IL1RAPL1: variants seen among roughly 807,000 people sequenced by gnomAD.
The protein encoded by IL1RAPL1 is interleukin-1 receptor accessory protein-like 1.
In IL1RAPL1, 3 loss-of-function variants were observed where a neutral mutation model predicts 48.4. The ratio of observed to expected loss-of-function variants is 0.06; its 90% CI spans 0.03 to 0.16. The LOEUF is 0.16. IL1RAPL1 is among the 10% of genes least tolerant of loss of function. The probability of loss-of-function intolerance (pLI) is 1.00; values close to 1 mark genes in which losing one functional copy is unlikely to be tolerated. For synonymous variants in IL1RAPL1, 185 were observed against 187.7 expected, an observed-to-expected ratio of 0.99 and a Z score of 0.12; for missense variants, 349 against 530.6, an observed-to-expected ratio of 0.66 and a Z score of 3.36.
At chrX:29,470,584 TA>T (rs1934909677) in intron 5 of IL1RAPL1, among the ~76,000 whole-genome samples, 1 of 111,365 alleles carries the variant, frequency 9.0e-6, no homozygotes, top group African/African-American at 3.3e-5. Flanking sequence ...TCACATACCA[TA>T]AATCTACCAT....
At chrX:29,391,292 C>G (rs746157428) in intron 3 of IL1RAPL1, among the ~76,000 whole-genome samples, 1 of 111,825 alleles carries the variant, frequency 8.9e-6, no homozygotes, top group Non-Finnish European at 1.9e-5. Context: ...GCTGTACTGA[C>G]TTCTGGAAAC....
intron 5 of IL1RAPL1, among the ~76,000 whole-genome samples, chrX:29,405,360 C>CTTTCTTTTT (rs1377087452): frequency 1.9e-4 from 19 of 99,457 alleles, no homozygotes; most frequent in African/African-American, 6.3e-4. Context: ...TCTCTGTGTT[C>CTTTCTTTTT]TTTATTTATT....
chrX:28,908,029 C>T (rs925334008), intron 2 of IL1RAPL1, among the ~76,000 whole-genome samples: 3 of 111,344 alleles, frequency 2.7e-5, no homozygotes, highest in African/African-American at 9.8e-5. Context: ...GTTATTTCTA[C>T]TGTTGCTTTA....
chrX:29,918,334 C>T (rs1343341225), intron 7 of IL1RAPL1, among the ~76,000 whole-genome samples: 16 of 95,090 alleles, frequency 1.7e-4, no homozygotes, highest in Non-Finnish European at 3.3e-4. Flanking sequence ...TGGTGAACCC[C>T]GTCTCTACTG....
chrX:29,390,387 C>A (rs1933838998), intron 3 of IL1RAPL1, among the ~76,000 whole-genome samples: 1 of 111,762 alleles, frequency 8.9e-6, no homozygotes, highest in African/African-American at 3.2e-5. Context: ...GAAAAATGAC[C>A]AGTGAATGTT....
At position 29,168,570 on chromosome X, in the gene IL1RAPL1, T is replaced by TAC. The variant is rs1555970945; in HGVS notation, c.83-114360_83-114359dup. 1.6e-4 allele frequency among the ~76,000 whole-genome samples: 15 copies of TAC among 95,895 alleles called. 2 individuals are homozygous for TAC. The highest frequency in any genetic ancestry group is 2.9e-4 in the Non-Finnish European group (14 of 48,000). The allele number at this position is 95,895 out of a possible 115,157, so 83.3% of individuals were successfully genotyped here. Reference sequence around the variant, plus strand: ...GTATTCAATTGTATATATATATATATACACACACAATTGTATATATATATT... The same window carrying TAC: ...GTATTCAATTGTATATATATATATATACACACACACAATTGTATATATATATT... On this transcript the variant is annotated intron_variant, in intron 2 of 10. Transcript: ENST00000378993.
chrX:29,919,479 ATTTG>A (rs1569203506), intron 7 of IL1RAPL1, among the ~76,000 whole-genome samples: 3 of 112,412 alleles, frequency 2.7e-5, no homozygotes, highest in African/African-American at 9.7e-5. Context: ...AAAACAGGCA[ATTTG>A]TTAGTATCAT....
intron 3 of IL1RAPL1, among the ~76,000 whole-genome samples, chrX:29,390,764 A>G (rs773512573): frequency 8.9e-6 from 1 of 112,320 alleles, no homozygotes; most frequent in South Asian, 3.7e-4. Context: ...GTGATATACA[A>G]AATTTCCCTT....
At chrX:29,093,471 T>C (rs1928134481) in intron 2 of IL1RAPL1, among the ~76,000 whole-genome samples, 1 of 111,488 alleles carries the variant, frequency 9.0e-6, no homozygotes, top group Admixed American at 9.6e-5. Context: ...GAGATTATAA[T>C]TCGACATGAG....
At chrX:29,413,271 C>T (rs1934168595) in intron 5 of IL1RAPL1, among the ~76,000 whole-genome samples, 1 of 111,988 alleles carries the variant, frequency 8.9e-6, no homozygotes, top group Admixed American at 9.5e-5. Flanking sequence ...TATAAATTAC[C>T]CAGTCTCAGG....
chrX:29,334,696 G>A (rs1932954133), intron 3 of IL1RAPL1, among the ~76,000 whole-genome samples: 1 of 112,133 alleles, frequency 8.9e-6, no homozygotes, highest in African/African-American at 3.2e-5. Context: ...GGGCAGAGGT[G>A]CTCCCCACAT....
intron 6 of IL1RAPL1, among the ~76,000 whole-genome samples, chrX:29,824,162 A>T (rs182980414): frequency 1.2e-4 from 13 of 112,049 alleles, no homozygotes; most frequent in Non-Finnish European, 2.3e-4. Context: ...TCCACTAGGC[A>T]ATTCTAATGC....
At chrX:28,602,996 C>T (rs981944715) in intron 1 of IL1RAPL1, among the ~76,000 whole-genome samples, 1 of 111,312 alleles carries the variant, frequency 9.0e-6, no homozygotes, top group Non-Finnish European at 1.9e-5. Flanking sequence ...AATTACAGTA[C>T]CAGAAATGTG....
At chrX:28,872,631 C>T (rs973048393) in intron 2 of IL1RAPL1, among the ~76,000 whole-genome samples, 7 of 111,949 alleles carry the variant, frequency 6.3e-5, no homozygotes, top group African/African-American at 2.3e-4. Flanking sequence ...GGATTATCTA[C>T]TGCTTTAATT....
At chrX:29,656,175 A>G (rs1925673719) in intron 5 of IL1RAPL1, among the ~76,000 whole-genome samples, 2 of 113,159 alleles carry the variant, frequency 1.8e-5, no homozygotes, top group African/African-American at 6.4e-5. Flanking sequence ...TTGTAAATAT[A>G]TGTTCAGTAA....
intron 6 of IL1RAPL1, among the ~76,000 whole-genome samples, chrX:29,796,056 A>G (rs1280179481): frequency 2.7e-5 from 3 of 112,094 alleles, no homozygotes. Flanking sequence ...AAATAACTCA[A>G]ATGGTTTGCT....
At position 29,702,251 on chromosome X, in the gene IL1RAPL1, C is replaced by CAA. The variant is rs1299590583; in HGVS notation, c.778+33763_778+33764dup. ...CCTCGGCAACAGGGCGAGACTCTGT[C>CAA]AAAAAAAAAAAAAAAAACCTTCCTA... is the stretch of plus-strand genomic sequence containing the variant. On this transcript the variant is annotated intron_variant, in intron 6 of 10. Transcript: ENST00000378993. 7.9e-3 allele frequency among the ~76,000 whole-genome samples: 472 copies of CAA among 59,839 alleles called. 4 individuals are homozygous for CAA. The highest frequency in any genetic ancestry group is 0.028 in the African/African-American group (444 of 16,136). The allele number at this position is 59,839 out of a possible 115,157, so 52.0% of individuals were successfully genotyped here. A position where few individuals can be genotyped will look rare whatever the true frequency, so the allele number is the denominator to read the frequency against.
chrX:28,874,977 G>C (rs1922331300), intron 2 of IL1RAPL1, among the ~76,000 whole-genome samples: 2 of 111,716 alleles, frequency 1.8e-5, no homozygotes. Context: ...ACTTATTGAT[G>C]GGTGTATGCT....
intron 1 of IL1RAPL1, among the ~76,000 whole-genome samples, chrX:28,745,173 CAACTGGTGGCAG>C (rs1318613452): frequency 9.0e-6 from 1 of 111,523 alleles, no homozygotes; most frequent in Admixed American, 9.6e-5. Context: ...CAGAATTTCT[CAACTGGTGGCAG>C]AACAGGTTAA....
Sources: allele counts gnomAD v4.1 joint callset (sites outside exome capture counted in the v4.1 genomes callset), GRCh38; gene constraint gnomAD v4.1.1; transcripts MANE v1.5; gene names NCBI Gene and HGNC (gene_info 2026-07-23, HGNC 2026-07-21).